Variants in ARFGEF2 observed in about 807,000 individuals in gnomAD.
The protein encoded by ARFGEF2 is ARF guanine nucleotide exchange factor 2, also known as brefeldin A-inhibited guanine nucleotide-exchange protein 2.
Under a neutral mutation model 219.9 loss-of-function variants are expected in ARFGEF2, and 74 were observed. That is an observed-to-expected ratio of 0.34 (90% CI 0.28 to 0.41). The LOEUF (loss-of-function observed/expected upper bound fraction) is 0.41, where lower values mean the gene tolerates loss of function less well. ARFGEF2 is among the 10% of genes least tolerant of loss of function. The probability of loss-of-function intolerance (pLI) is 1.00; values close to 1 mark genes in which losing one functional copy is unlikely to be tolerated. For synonymous variants in ARFGEF2, 733 were observed against 799.2 expected, an observed-to-expected ratio of 0.92 and a Z score of 1.40; for missense variants, 1,743 against 2,218.3, an observed-to-expected ratio of 0.79 and a Z score of 4.30.
chr20:48,938,787 A>G (rs1455053506), intron 1 of ARFGEF2, among the ~76,000 whole-genome samples: 4 of 152,048 alleles, frequency 2.6e-5, no homozygotes, highest in South Asian at 2.1e-4. Flanking sequence ...GAGCTGAGGG[A>G]CTCTAAAGAT....
intron 1 of ARFGEF2, among the ~76,000 whole-genome samples, chr20:48,929,706 T>A (rs567042214): frequency 7.2e-5 from 11 of 152,264 alleles, no homozygotes. Flanking sequence ...AGGAGGCATT[T>A]CAGCAGAGGG....
intron 29 of ARFGEF2, 38 bp downstream of exon 29, chr20:49,013,732 G>A: frequency 6.2e-7 from 1 of 1,613,962 alleles, no homozygotes; most frequent in Non-Finnish European, 8.5e-7. Flanking sequence ...TTACATCACT[G>A]AAATGAACCT....
chr20:48,944,224 C>G (rs766160527), intron 3 of ARFGEF2, among the ~76,000 whole-genome samples: 2 of 152,138 alleles, frequency 1.3e-5, no homozygotes. Context: ...TTGCTGTGAA[C>G]GTGTTCTGAG....
chr20:48,977,492 A>G (rs997026276), intron 14 of ARFGEF2, among the ~76,000 whole-genome samples: 6 of 152,234 alleles, frequency 3.9e-5, no homozygotes, highest in African/African-American at 1.4e-4. Flanking sequence ...GTATATACCC[A>G]GTAATGGGAT....
chr20:48,966,306 A>G (rs2091186554), intron 8 of ARFGEF2, among the ~76,000 whole-genome samples: 1 of 152,242 alleles, frequency 6.6e-6, no homozygotes, highest in Non-Finnish European at 1.5e-5. Context: ...TACATTCATT[A>G]TAGAAAAATA....
chr20:49,010,456 A>G, intron 27 of ARFGEF2, 52 bp downstream of exon 27: 2 of 1,599,438 alleles, frequency 1.3e-6, no homozygotes, highest in Non-Finnish European at 1.7e-6. Flanking sequence ...AGTCTAGAAG[A>G]GTGTCACTTG....
chr20:48,978,992 C>T (rs2091279166), intron 14 of ARFGEF2, among the ~76,000 whole-genome samples: 4 of 152,110 alleles, frequency 2.6e-5, no homozygotes, highest in Admixed American at 2.6e-4. Context: ...TTGCCCTGGC[C>T]AGAACTCCCA....
chr20:49,029,341 A>G (rs1040043586), intron 37 of ARFGEF2, among the ~76,000 whole-genome samples: 1 of 152,222 alleles, frequency 6.6e-6, no homozygotes, highest in African/African-American at 2.4e-5. Context: ...GTATAATGGC[A>G]TGATCTTTCT....
intron 1 of ARFGEF2, among the ~76,000 whole-genome samples, chr20:48,939,775 G>A (rs1038981871): frequency 3.3e-5 from 5 of 152,208 alleles, no homozygotes; most frequent in African/African-American, 4.8e-5. Context: ...GCTACTTCCA[G>A]TGAGTCAGTT....
intron 1 of ARFGEF2, among the ~76,000 whole-genome samples, chr20:48,931,754 G>A (rs2090914912): frequency 6.6e-6 from 1 of 152,234 alleles, no homozygotes. Context: ...GTTCGAGCAA[G>A]TAGGCCAGGG....
At chr20:49,003,767 A>G (rs2091438891) in intron 25 of ARFGEF2, among the ~76,000 whole-genome samples, 1 of 152,188 alleles carries the variant, frequency 6.6e-6, no homozygotes, top group East Asian at 1.9e-4. Flanking sequence ...TCCTTGAGAG[A>G]AAAGTCTGAA....
intron 34 of ARFGEF2, among the ~76,000 whole-genome samples, chr20:49,019,768 C>T (rs2091554411): frequency 6.6e-6 from 1 of 152,158 alleles, no homozygotes; most frequent in African/African-American, 2.4e-5. Flanking sequence ...TATGTTAAAG[C>T]ACCACTTCTG....
At position 49,005,737 on chromosome 20, in the gene ARFGEF2, C is replaced by CAA. The variant is rs56730863; in HGVS notation, c.3584+536_3584+537dup. ...TGGGTGAAAGAGCAAGACTCCGTCT[C>CAA]AAAAAAAAAAAAAAAAAAAAAGAAA... On this transcript the variant is annotated intron_variant, in intron 26 of 38. Coordinates refer to ENST00000371917, the MANE Select transcript of ARFGEF2 (RefSeq NM_006420.3). Among the ~76,000 whole-genome samples, 246 of 61,960 alleles carry CAA rather than the reference C, an allele frequency of 4.0e-3. 1 individual carries two copies. Among genetic ancestry groups the CAA allele is most frequent in the East Asian group, 0.012 (27 of 2,248 alleles). 40.6% of individuals were successfully genotyped at this position (61,960 alleles called of 152,430 possible).
Position 48,971,120 on chromosome 20 carries a change from A to G in ARFGEF2, c.1191A>G (p.Lys397=), listed in dbSNP as rs1380529305. The G allele has an allele frequency of 1.2e-6, 2 of 1,613,840 alleles. No individual in the cohort carries two copies. The highest frequency in any genetic ancestry group is 4.5e-5 in the East Asian group (2 of 44,896). ...TGTGGTTTTTCATTTTCTTTGCCAG[A>G]TCCCATGAGCTGCGTTCCAAGGTGG... ...KPLGEGPPDP[K]SHELRSKVVS... Residue 397 remains lysine (K), a splice_region_variant and synonymous_variant, in exon 10 of 39, where the codon AAA becomes AAG. Coordinates refer to ENST00000371917, the MANE Select transcript of ARFGEF2 (RefSeq NM_006420.3).
intron 26 of ARFGEF2, among the ~76,000 whole-genome samples, chr20:49,008,661 G>A (rs1406817809): frequency 6.6e-6 from 1 of 150,810 alleles, no homozygotes; most frequent in Non-Finnish European, 1.5e-5. Context: ...AATAGAGATA[G>A]TGAAACGTGT....
chr20:49,014,082 G>A, intron 30 of ARFGEF2, 122 bp downstream of exon 30: 2 of 1,358,896 alleles, frequency 1.5e-6, no homozygotes, highest in South Asian at 2.3e-5. Flanking sequence ...GCAACTTAAG[G>A]TTTTAAAAAT....
chr20:48,989,212 T>C, intron 18 of ARFGEF2, 73 bp from the exon 19 acceptor site: 1 of 1,539,860 alleles, frequency 6.5e-7, no homozygotes, highest in South Asian at 1.1e-5. Context: ...TTGTGCATCT[T>C]TTGAAACAGT....
rs2091546667 is a variant in ARFGEF2, at chr20:49,018,866, C to T, written c.4510-18C>T. On this transcript the variant is annotated intron_variant, in intron 33 of 38. Coordinates refer to ENST00000371917, the MANE Select transcript of ARFGEF2 (RefSeq NM_006420.3). ...TGAAGAAAAGTGAGCATTGTGTTTC[C>T]CTCTGGTTTACATTTAGGATGTGGA... 1 of 1,600,394 alleles carries T rather than the reference C, an allele frequency of 6.2e-7. No individual in the cohort carries two copies. Among genetic ancestry groups the T allele is most frequent in the Admixed American group, 1.7e-5 (1 of 59,952 alleles).
At chr20:49,019,460 T>C (rs1447977477) in intron 34 of ARFGEF2, among the ~76,000 whole-genome samples, 1 of 152,244 alleles carries the variant, frequency 6.6e-6, no homozygotes, top group African/African-American at 2.4e-5. Flanking sequence ...TTTGTAGACA[T>C]GCATTTATTG....
Sources: allele counts gnomAD v4.1 joint callset (sites outside exome capture counted in the v4.1 genomes callset), GRCh38; gene constraint gnomAD v4.1.1; transcripts MANE v1.5; gene names NCBI Gene and HGNC (gene_info 2026-07-23, HGNC 2026-07-21).